The following DISC1 variants were observed in gnomAD, a reference collection of about 807,000 sequenced individuals.
The protein encoded by DISC1 is disrupted in schizophrenia 1 protein.
In DISC1, 57 loss-of-function variants were observed where a neutral mutation model predicts 84.5. The observed-to-expected ratio is 0.67, with a 90% CI of 0.55 to 0.84. DISC1 has a LOEUF of 0.84. Among genes scored for constraint, DISC1 ranks in the 40% least tolerant of loss-of-function variants. DISC1 has a pLI of 0.00. For missense variants in DISC1, 1,000 were observed against 1,057.8 expected (o/e 0.95, Z 0.76); for synonymous variants, 411 against 415.2 (o/e 0.99, Z 0.12).
chr1:231,980,165 T>C (rs934085047), intron 10 of DISC1, among the ~76,000 whole-genome samples: 3 of 152,240 alleles, frequency 2.0e-5, no homozygotes, highest in Admixed American at 1.3e-4. Flanking sequence ...TTTATCCTTC[T>C]ACTGCTTTTT....
chr1:231,668,844 T>C (rs17804007), intron 1 of DISC1, among the ~76,000 whole-genome samples: 7,430 of 152,266 alleles, frequency 0.049, 253 homozygotes, highest in Non-Finnish European at 0.068. Flanking sequence ...AGATGGGCCA[T>C]GGATCAGATT....
intron 6 of DISC1, among the ~76,000 whole-genome samples, chr1:231,785,046 A>G (rs984034693): frequency 1.7e-4 from 26 of 152,186 alleles, no homozygotes; most frequent in African/African-American, 5.8e-4. Flanking sequence ...GATGGGTGCC[A>G]TGTGACATTA....
chr1:231,661,738 A>G (rs547607249), intron 1 of DISC1, among the ~76,000 whole-genome samples: 1 of 152,164 alleles, frequency 6.6e-6, no homozygotes, highest in Non-Finnish European at 1.5e-5. Context: ...TCTGAAGTCT[A>G]CTTCTGTCAG....
rs530336972 is a variant in DISC1, at chr1:231,954,127, C to T, written c.1982-4701C>T. ...TGGGTAGCTTGGTTATTTTTTTTCC[C>T]ATCAGACTCATAGGGATATTTTTGG... On this transcript the variant is annotated intron_variant, in intron 9 of 12. Transcript: ENST00000439617. The surrounding 1 kb of genome is among the most constrained non-coding windows in gnomAD (Gnocchi z 4.8). Among the ~76,000 whole-genome samples, 1 of 152,164 alleles carries T rather than the reference C, an allele frequency of 6.6e-6. No individual in the cohort carries two copies. The highest frequency in any genetic ancestry group is 6.5e-5 in the Admixed American group (1 of 15,280).
At chr1:231,767,107 A>T (rs748996880) in intron 4 of DISC1, 33 bp from the exon 5 acceptor site, 1 of 1,609,922 alleles carries the variant, frequency 6.2e-7, no homozygotes. Flanking sequence ...CAGCTTCTGC[A>T]TACCTGTACC....
At chr1:231,877,045 G>A (rs201311448) in intron 9 of DISC1, among the ~76,000 whole-genome samples, 7 of 152,174 alleles carry the variant, frequency 4.6e-5, no homozygotes, top group African/African-American at 7.2e-5. Flanking sequence ...GAGCAGACTG[G>A]GGTTACATGA....
chr1:231,726,323 C>T (rs1369932241), intron 3 of DISC1, among the ~76,000 whole-genome samples: 1 of 152,188 alleles, frequency 6.6e-6, no homozygotes, highest in East Asian at 1.9e-4. Flanking sequence ...ACAAGAATTG[C>T]CCATGCAGCT....
rs187701820 is a variant in DISC1, at chr1:231,976,979, A to G, written c.2042+18091A>G. Among the ~76,000 whole-genome samples the G allele has an allele frequency of 3.9e-5, 6 of 152,272 alleles. No individual in the cohort carries two copies. In the East Asian group the frequency reaches 1.2e-3, roughly 29 times the overall value. On this transcript the variant is annotated intron_variant, in intron 10 of 12. Transcript: ENST00000439617. ...AACCCAATGAGGGGTGAGCGCTATT[A>G]TTAACAAGAATATGTAAGGCAACTG...
intron 3 of DISC1, among the ~76,000 whole-genome samples, chr1:231,712,668 C>A (rs956431013): frequency 2.0e-5 from 3 of 152,180 alleles, no homozygotes; most frequent in Admixed American, 2.0e-4. Flanking sequence ...CTAGAGAAGA[C>A]CTTACTTATT....
At chr1:231,901,344 A>G (rs1409178239) in intron 9 of DISC1, among the ~76,000 whole-genome samples, 3 of 152,248 alleles carry the variant, frequency 2.0e-5, no homozygotes, top group Non-Finnish European at 4.4e-5. Context: ...TAATTTTAGA[A>G]CATTCTAATT....
At chr1:231,960,763 T>C (rs1188468263) in intron 10 of DISC1, among the ~76,000 whole-genome samples, 4 of 152,184 alleles carry the variant, frequency 2.6e-5, no homozygotes, top group African/African-American at 9.7e-5. Flanking sequence ...ACCAGCTACC[T>C]GGAGACAGCA....
chr1:231,740,611 G>A (rs1008618040), intron 3 of DISC1, among the ~76,000 whole-genome samples: 1 of 152,216 alleles, frequency 6.6e-6, no homozygotes, highest in African/African-American at 2.4e-5. Flanking sequence ...TACAGGTTGA[G>A]TACCTCTTCT....
intron 8 of DISC1, among the ~76,000 whole-genome samples, chr1:231,812,635 C>T (rs1388811435): frequency 3.3e-5 from 5 of 152,136 alleles, no homozygotes; most frequent in African/African-American, 4.8e-5. Flanking sequence ...GAAGAGCAGG[C>T]GGGCACAGGC....
chr1:231,681,883 A>G (rs2063734327), intron 1 of DISC1, among the ~76,000 whole-genome samples: 1 of 152,150 alleles, frequency 6.6e-6, no homozygotes, highest in South Asian at 2.1e-4. Flanking sequence ...TACTTTTAGT[A>G]AAGACAGGGT....
At chr1:231,741,360 A>G (rs1176620328) in intron 3 of DISC1, among the ~76,000 whole-genome samples, 1 of 152,250 alleles carries the variant, frequency 6.6e-6, no homozygotes, top group Non-Finnish European at 1.5e-5. Context: ...TTTATGTCTT[A>G]TATTCATTTA....
At chr1:231,750,554 T>G (rs768059445) in intron 4 of DISC1, 6 of 987,340 alleles carry the variant, frequency 6.1e-6, no homozygotes, top group Non-Finnish European at 7.2e-6. Context: ...TAGTAATATA[T>G]AGAGAGCAGT....
At chr1:231,760,944 C>G (rs2075604827) in intron 4 of DISC1, among the ~76,000 whole-genome samples, 1 of 152,204 alleles carries the variant, frequency 6.6e-6, no homozygotes, top group Admixed American at 6.5e-5. Flanking sequence ...TTTCTTCATT[C>G]TTTTTTCAAT....
intron 1 of DISC1, among the ~76,000 whole-genome samples, chr1:231,646,038 A>G (rs1328398038): frequency 6.8e-6 from 1 of 147,188 alleles, no homozygotes; most frequent in East Asian, 2.1e-4. Context: ...CTATCCAACA[A>G]TAGCAGAATA....
chr1:231,740,753 G>A (rs2073155487), intron 3 of DISC1, among the ~76,000 whole-genome samples: 1 of 152,060 alleles, frequency 6.6e-6, no homozygotes, highest in African/African-American at 2.4e-5. Context: ...TATGTTTTTT[G>A]TACATCTTAT....
Sources: gnomAD v4.1 joint callset for allele counts (sites outside exome capture counted in the v4.1 genomes callset) on GRCh38, gnomAD v4.1.1 for gene constraint, Gnocchi (gnomAD v3.1) non-coding constraint, MANE v1.5 for transcripts, NCBI Gene and HGNC (gene_info 2026-07-23, HGNC 2026-07-21) for gene names.